The following ANO2 variants were observed in gnomAD, a reference collection of about 807,000 sequenced individuals.
The protein encoded by ANO2 is anoctamin 2, also known as anoctamin-2.
A neutral mutation model predicts 124.2 loss-of-function variants in ANO2; 101 were observed. The observed-to-expected ratio is 0.81, with a 90% CI of 0.69 to 0.96. The LOEUF (loss-of-function observed/expected upper bound fraction) is 0.96, where lower values mean the gene tolerates loss of function less well. Among genes scored for constraint, ANO2 ranks in the 40% least tolerant of loss-of-function variants. The pLI is 0.00. For missense variants in ANO2, 1,293 were observed against 1,274.5 expected (o/e 1.01, Z -0.22); for synonymous variants, 486 against 482.5 (o/e 1.01, Z -0.09).
intron 19 of ANO2, among the ~76,000 whole-genome samples, chr12:5,603,800 C>T (rs1348032965): frequency 6.6e-6 from 1 of 151,936 alleles, no homozygotes; most frequent in Non-Finnish European, 1.5e-5. Flanking sequence ...AAAAAATTAG[C>T]AGGGCACGGT....
At chr12:5,763,390 T>C (rs1951793347) in intron 10 of ANO2, among the ~76,000 whole-genome samples, 1 of 152,084 alleles carries the variant, frequency 6.6e-6, no homozygotes, top group Non-Finnish European at 1.5e-5. Context: ...ATTAAAATGG[T>C]ATATACTATA....
Position 5,692,885 on chromosome 12 carries a change from A to G in ANO2, c.1545+39635T>C, listed in dbSNP as rs1949004318. ...TGAAAAGTATTGTTTCCGAGGGCCA[A>G]TCACCTTGTTGTAAAAATCCTTGTT... On this transcript the variant is annotated intron_variant, in intron 14 of 24. Coordinates refer to ENST00000682330, the MANE Select transcript of ANO2 (RefSeq NM_001364791.2). 2.0e-5 allele frequency among the ~76,000 whole-genome samples: 3 copies of G among 152,222 alleles called. No individual in the cohort carries two copies. In the South Asian group the frequency reaches 6.2e-4, roughly 32 times the overall value.
chr12:5,693,915 C>A, intron 14 of ANO2, among the ~76,000 whole-genome samples: 1 of 152,188 alleles, frequency 6.6e-6, no homozygotes, highest in Non-Finnish European at 1.5e-5. Flanking sequence ...TCTTCACTTT[C>A]TACTGCTTCA....
chr12:5,657,061 G>T (rs1947195021), intron 14 of ANO2, among the ~76,000 whole-genome samples: 1 of 152,284 alleles, frequency 6.6e-6, no homozygotes, highest in African/African-American at 2.4e-5. Context: ...GCCAGGACAG[G>T]GTTTCTGAAG....
At chr12:5,863,322 C>T (rs1291212119) in intron 3 of ANO2, among the ~76,000 whole-genome samples, 1 of 152,134 alleles carries the variant, frequency 6.6e-6, no homozygotes, top group Non-Finnish European at 1.5e-5. Flanking sequence ...ACTCAGGCTT[C>T]TCTAGGTGTT....
At chr12:5,744,047 A>G in intron 12 of ANO2, 110 bp downstream of exon 12, 1 of 1,332,272 alleles carries the variant, frequency 7.5e-7, no homozygotes. Context: ...TTGTGATGGG[A>G]AGAAAAAATG....
chr12:5,840,579 C>T (rs979198009), intron 4 of ANO2, among the ~76,000 whole-genome samples: 6 of 152,034 alleles, frequency 3.9e-5, no homozygotes, highest in African/African-American at 9.7e-5. Context: ...CCAATGACCC[C>T]GAAGATCAAG....
rs752730076 is a variant in ANO2, at chr12:5,744,275, G to C, written c.1233C>G (p.Pro411=). ...AGTAATCACAGGACTTGTCACACAG[G>C]GGACACATGGTGAAGGCATTCTGCT... ...CDQQNAFTMC[P]LCDKSCDYWN... is the part of the protein sequence containing the mutation. The change falls in exon 12 of 25, where the codon CCC becomes CCG. Residue 411 remains proline (P), a synonymous_variant. Coordinates refer to ENST00000682330, the MANE Select transcript of ANO2 (RefSeq NM_001364791.2). 3 of 1,613,938 alleles carry C rather than the reference G, an allele frequency of 1.9e-6. No individual in the cohort carries two copies. The highest frequency in any genetic ancestry group is 1.3e-5 in the African/African-American group (1 of 75,028).
At chr12:5,685,796 AACAAAAAAC>A (rs113841270) in intron 14 of ANO2, among the ~76,000 whole-genome samples, 56,344 of 151,350 alleles carry the variant, frequency 0.37, 12,184 homozygotes, top group East Asian at 0.59. Context: ...AACAAAACAA[AACAAAAAAC>A]ACAAAAAACA....
In ANO2 at chr12:5,746,987, C is replaced by T. The variant is rs182612496; in HGVS notation, c.1191-2670G>A. On this transcript the variant is annotated intron_variant, in intron 11 of 24. Coordinates refer to ENST00000682330, the MANE Select transcript of ANO2 (RefSeq NM_001364791.2). ...CACGCATGGAAGTATTACTTACAGG[C>T]TTATGCTTATATCTCACATATCAAA... Among the ~76,000 whole-genome samples the T allele has an allele frequency of 2.6e-5, 4 of 152,252 alleles. No homozygotes were observed. In the East Asian group the frequency reaches 7.7e-4, roughly 29 times the overall value.
At chr12:5,761,085 A>G (rs1048709139) in intron 10 of ANO2, among the ~76,000 whole-genome samples, 11 of 148,802 alleles carry the variant, frequency 7.4e-5, no homozygotes, top group African/African-American at 1.9e-4. Flanking sequence ...AAAATTCCGT[A>G]GACTGTCCTA....
chr12:5,587,593 T>A (rs1025113067), intron 20 of ANO2, among the ~76,000 whole-genome samples: 2 of 152,130 alleles, frequency 1.3e-5, no homozygotes, highest in East Asian at 1.9e-4. Context: ...GTCATGGCCA[T>A]CTCTTGGGCC....
chr12:5,604,259 G>A (rs1050451929), intron 19 of ANO2, among the ~76,000 whole-genome samples: 3 of 152,140 alleles, frequency 2.0e-5, no homozygotes, highest in East Asian at 1.9e-4. Flanking sequence ...AGAATACAAC[G>A]TAAGAGGCAG....
chr12:5,863,379 T>C (rs775236114), intron 3 of ANO2, among the ~76,000 whole-genome samples: 47 of 152,180 alleles, frequency 3.1e-4, no homozygotes, highest in Admixed American at 4.6e-4. Flanking sequence ...GGAATAATCC[T>C]CACCATGTAA....
chr12:5,903,184 G>A (rs1469943088), intron 3 of ANO2, among the ~76,000 whole-genome samples: 1 of 151,920 alleles, frequency 6.6e-6, no homozygotes, highest in Non-Finnish European at 1.5e-5. Context: ...AAGAGGAACT[G>A]GGAATAATTA....
In ANO2 at chr12:5,925,881, C is replaced by A. The variant is rs1942057790; in HGVS notation, c.23-3077G>T. 6.6e-6 allele frequency among the ~76,000 whole-genome samples: 1 copy of A among 152,218 alleles called. No homozygotes were observed. The highest frequency in any genetic ancestry group is 2.1e-4 in the South Asian group (1 of 4,826). ...CTTTCTCCACGTTCCAGCTCTCTCCCTGGGCACTCTCATCCACTCCAGAGA... is the reference window on the plus strand; with the variant it reads ...CTTTCTCCACGTTCCAGCTCTCTCCATGGGCACTCTCATCCACTCCAGAGA... On this transcript the variant is annotated intron_variant, in intron 1 of 24. Transcript: ENST00000682330. The surrounding 1 kb of genome is among the most constrained non-coding windows in gnomAD (Gnocchi z 4.6).
At chr12:5,778,756 A>G (rs953735151) in intron 10 of ANO2, among the ~76,000 whole-genome samples, 1 of 152,238 alleles carries the variant, frequency 6.6e-6, no homozygotes, top group Non-Finnish European at 1.5e-5. Context: ...CAAATAAGGT[A>G]TGTGTCATAG....
chr12:5,890,970 T>C (rs1369201450), intron 3 of ANO2, among the ~76,000 whole-genome samples: 1 of 152,186 alleles, frequency 6.6e-6, no homozygotes, highest in East Asian at 1.9e-4. Flanking sequence ...ACTCACTTCA[T>C]TGAGTTTGCC....
intron 13 of ANO2, among the ~76,000 whole-genome samples, chr12:5,733,563 A>T (rs1950733688): frequency 6.6e-6 from 1 of 152,210 alleles, no homozygotes; most frequent in African/African-American, 2.4e-5. Context: ...CATTCAGGGA[A>T]CACACATGTC....
Sources: gnomAD v4.1 joint callset for allele counts (sites outside exome capture counted in the v4.1 genomes callset) on GRCh38, gnomAD v4.1.1 for gene constraint, Gnocchi (gnomAD v3.1) non-coding constraint, MANE v1.5 for transcripts, NCBI Gene and HGNC (gene_info 2026-07-23, HGNC 2026-07-21) for gene names.